DGKI: variants seen among roughly 807,000 people sequenced by gnomAD.
The protein encoded by DGKI is DAG kinase iota.
Under a neutral mutation model 147.5 loss-of-function variants are expected in DGKI, and 55 were observed. That is an observed-to-expected ratio of 0.37 (90% CI 0.30 to 0.47). DGKI has a LOEUF of 0.47. DGKI is among the 20% of genes least tolerant of loss of function. The pLI is 1.00. For missense variants in DGKI, 1,007 were observed against 1,323.8 expected (o/e 0.76, Z 3.71); for synonymous variants, 469 against 477.1 (o/e 0.98, Z 0.22).
chr7:137,532,136 A>T (rs1817362077), intron 20 of DGKI, among the ~76,000 whole-genome samples: 1 of 152,194 alleles, frequency 6.6e-6, no homozygotes, highest in South Asian at 2.1e-4. Context: ...AGATATTGCT[A>T]TCTTAAAATG....
chr7:137,755,973 A>G (rs1263617588), intron 1 of DGKI, among the ~76,000 whole-genome samples: 1 of 152,218 alleles, frequency 6.6e-6, no homozygotes, highest in African/African-American at 2.4e-5. Flanking sequence ...AAGGTCAGTC[A>G]TGGAAGTTCT....
At chr7:137,408,829 A>G (rs1412658933) in intron 29 of DGKI, among the ~76,000 whole-genome samples, 2 of 152,252 alleles carry the variant, frequency 1.3e-5, no homozygotes, top group African/African-American at 4.8e-5. Context: ...CCTCATCTCC[A>G]AACTACAGTA....
intron 1 of DGKI, among the ~76,000 whole-genome samples, chr7:137,825,697 TACACATACACTCAC>T: frequency 6.6e-6 from 1 of 150,832 alleles, no homozygotes. Flanking sequence ...CACACACACA[TACACATACACTCAC>T]ACACATACAC....
At chr7:137,656,354 C>CTTT in intron 4 of DGKI, 112 bp downstream of exon 4, 1 of 1,127,114 alleles carries the variant, frequency 8.9e-7, no homozygotes, top group Non-Finnish European at 1.3e-6. Context: ...GGACTTCCAG[C>CTTT]TTTTTTTTAA....
At chr7:137,504,715 C>A (rs564357370) in intron 21 of DGKI, among the ~76,000 whole-genome samples, 1 of 152,166 alleles carries the variant, frequency 6.6e-6, no homozygotes, top group Non-Finnish European at 1.5e-5. Flanking sequence ...TTTAATCAAC[C>A]TATGCATAGT....
At chr7:137,819,459 C>T (rs1324607259) in intron 1 of DGKI, among the ~76,000 whole-genome samples, 3 of 151,996 alleles carry the variant, frequency 2.0e-5, no homozygotes, top group African/African-American at 4.8e-5. Flanking sequence ...TACAGGCGCC[C>T]GCCACCACGC....
intron 1 of DGKI, among the ~76,000 whole-genome samples, chr7:137,817,969 T>G (rs1184947154): frequency 6.6e-6 from 1 of 152,190 alleles, no homozygotes; most frequent in Non-Finnish European, 1.5e-5. Flanking sequence ...TGCTCCATAT[T>G]TTGAATATTC....
intron 30 of DGKI, among the ~76,000 whole-genome samples, chr7:137,407,070 T>G (rs1367150053): frequency 6.6e-6 from 1 of 152,144 alleles, no homozygotes; most frequent in Non-Finnish European, 1.5e-5. Flanking sequence ...AATCTCTCTG[T>G]ATACCAAGAT....
At chr7:137,618,622 A>C (rs1277201069) in intron 8 of DGKI, among the ~76,000 whole-genome samples, 1 of 152,032 alleles carries the variant, frequency 6.6e-6, no homozygotes, top group African/African-American at 2.4e-5. Flanking sequence ...GAGATTACCA[A>C]ATTTTAGAAA....
rs1318983640 is a variant in DGKI at position 137,472,334 on chromosome 7, TATAC to T, written c.2374-2719_2374-2716del. On this transcript the variant is annotated intron_variant, in intron 23 of 32. Coordinates refer to ENST00000614521, the MANE Select transcript of DGKI (RefSeq NM_001321708.2). ...TATACATATAATTATTATATGTATATATACATATAATTATTATATGTATATATAC... is the reference window on the plus strand; with the variant it reads ...TATACATATAATTATTATATGTATATATATAATTATTATATGTATATATAC... 2.1e-4 allele frequency among the ~76,000 whole-genome samples: 25 copies of T among 117,060 alleles called. 2 individuals carry two copies. Among genetic ancestry groups the T allele is most frequent in the African/African-American group, 9.9e-4 (25 of 25,164 alleles). The allele number at this position is 117,060 out of a possible 152,430, so 76.8% of individuals were successfully genotyped here.
At chr7:137,608,937 T>G (rs1238349067) in intron 10 of DGKI, 29 bp downstream of exon 10, 3 of 1,540,520 alleles carry the variant, frequency 1.9e-6, no homozygotes, top group Non-Finnish European at 2.7e-6. Context: ...TCAAAACTTC[T>G]AAGTTGAAAA....
intron 19 of DGKI, among the ~76,000 whole-genome samples, chr7:137,564,581 C>G (rs1818520943): frequency 6.6e-6 from 1 of 150,874 alleles, no homozygotes; most frequent in Non-Finnish European, 1.5e-5. Context: ...TTAAAAAAAA[C>G]AAAATGGTAA....
intron 6 of DGKI, among the ~76,000 whole-genome samples, chr7:137,643,513 T>C (rs143628347): frequency 1.7e-4 from 26 of 152,266 alleles, no homozygotes; most frequent in African/African-American, 6.0e-4. Flanking sequence ...CCCATAATTG[T>C]TTGAGTCTTG....
In DGKI at chr7:137,501,268, T is replaced by C. The variant is rs547741141; in HGVS notation, c.2249-13579A>G. Among the ~76,000 whole-genome samples the C allele has an allele frequency of 1.1e-4, 16 of 152,318 alleles. No individual in the cohort carries two copies. In the South Asian group the frequency reaches 2.1e-3, roughly 20 times the overall value. ...CACATTGTCTTTATCCATTCATCCA[T>C]TGATAGACACTTAGGTTGCTTCTGC... On this transcript the variant is annotated intron_variant, in intron 21 of 32. Transcript: ENST00000614521.
chr7:137,535,117 G>A (rs1300906224), intron 20 of DGKI, among the ~76,000 whole-genome samples: 2 of 152,050 alleles, frequency 1.3e-5, no homozygotes, highest in African/African-American at 4.8e-5. Flanking sequence ...CCCACTCTGT[G>A]GTACTTTGTT....
chr7:137,566,782 G>A (rs1475299999), intron 19 of DGKI, among the ~76,000 whole-genome samples: 1 of 152,006 alleles, frequency 6.6e-6, no homozygotes, highest in East Asian at 1.9e-4. Flanking sequence ...CTCCTGAAAA[G>A]ATCTCCTGAA....
intron 5 of DGKI, among the ~76,000 whole-genome samples, chr7:137,654,434 T>C (rs1456732264): frequency 1.3e-5 from 2 of 152,202 alleles, no homozygotes; most frequent in East Asian, 1.9e-4. Flanking sequence ...AAATAAGTAA[T>C]AAAAGTCTAT....
At chr7:137,760,582 C>G (rs982823781) in intron 1 of DGKI, among the ~76,000 whole-genome samples, 4 of 152,162 alleles carry the variant, frequency 2.6e-5, no homozygotes, top group Non-Finnish European at 5.9e-5. Context: ...AAGCACCACT[C>G]ATGACAGCAA....
intron 1 of DGKI, among the ~76,000 whole-genome samples, chr7:137,783,290 CA>C (rs2116896555): frequency 6.6e-6 from 1 of 152,280 alleles, no homozygotes; most frequent in Admixed American, 6.5e-5. Context: ...AAGAAACCAT[CA>C]CAACTTCTGG....
Sources: allele counts gnomAD v4.1 joint callset (sites outside exome capture counted in the v4.1 genomes callset), GRCh38; gene constraint gnomAD v4.1.1; transcripts MANE v1.5; gene names NCBI Gene and HGNC (gene_info 2026-07-23, HGNC 2026-07-21).